AFG1L: variants seen among roughly 807,000 people sequenced by gnomAD.
AFG1L encodes the protein AFG1-like ATPase.
A neutral mutation model predicts 62.2 loss-of-function variants in AFG1L; 53 were observed. The observed-to-expected ratio is 0.85, with a 90% CI of 0.68 to 1.07. AFG1L has a LOEUF of 1.07. Among genes scored for constraint, AFG1L ranks in the 50% least tolerant of loss-of-function variants. The pLI is 0.00. For missense variants in AFG1L, 555 were observed against 590.5 expected (o/e 0.94, Z 0.62); for synonymous variants, 228 against 210.3 (o/e 1.08, Z -0.73).
chr6:108,515,154 G>C (rs1774826578), intron 11 of AFG1L, among the ~76,000 whole-genome samples: 1 of 152,142 alleles, frequency 6.6e-6, no homozygotes, highest in African/African-American at 2.4e-5. Context: ...GGACCTAATA[G>C]ACATCTACAG....
At chr6:108,343,070 C>CTT (rs1318016021) in intron 2 of AFG1L, among the ~76,000 whole-genome samples, 3 of 143,876 alleles carry the variant, frequency 2.1e-5, no homozygotes, top group African/African-American at 5.1e-5. Flanking sequence ...TTTTCTTTTT[C>CTT]TTTTTTTTTT....
At position 108,380,346 on chromosome 6, in the gene AFG1L, C is replaced by G. The variant is rs1266863953; in HGVS notation, c.748+14014C>G. Among the ~76,000 whole-genome samples the G allele has an allele frequency of 3.3e-5, 5 of 152,110 alleles. No homozygotes were observed. The East Asian group carries it at 9.6e-4, about 29-fold the overall frequency. ...GTATTCCAAATGCCTGGATTTCTGC[C>G]TGGGGTTGGAAGAGAGAGGGCCCTG... On this transcript the variant is annotated intron_variant, in intron 6 of 12. Coordinates refer to ENST00000368977, the MANE Select transcript of AFG1L (RefSeq NM_145315.5).
At chr6:108,476,510 C>T (rs1369272429) in intron 8 of AFG1L, among the ~76,000 whole-genome samples, 7 of 152,182 alleles carry the variant, frequency 4.6e-5, no homozygotes. Context: ...GGATACTTTG[C>T]TGGATGCTTG....
At chr6:108,387,764 A>C (rs138976636) in intron 6 of AFG1L, 2 of 152,292 alleles carry the variant, frequency 1.3e-5, no homozygotes, top group East Asian at 3.9e-4. Flanking sequence ...AGCCCTATCT[A>C]ATTTTATAGT....
chr6:108,450,903 T>G (rs1772026563), intron 8 of AFG1L, among the ~76,000 whole-genome samples: 1 of 151,692 alleles, frequency 6.6e-6, no homozygotes, highest in Non-Finnish European at 1.5e-5. Context: ...ATATGCGGCA[T>G]TATTTCTGAG....
intron 6 of AFG1L, among the ~76,000 whole-genome samples, chr6:108,391,353 G>A (rs1403214293): frequency 6.6e-6 from 1 of 152,098 alleles, no homozygotes; most frequent in Non-Finnish European, 1.5e-5. Flanking sequence ...TTGCATTGTG[G>A]TTTTGATTTG....
At chr6:108,446,776 T>A (rs1771823810) in intron 7 of AFG1L, among the ~76,000 whole-genome samples, 1 of 152,144 alleles carries the variant, frequency 6.6e-6, no homozygotes, top group Non-Finnish European at 1.5e-5. Context: ...AGTGCTGGAA[T>A]TACAGGCGTG....
chr6:108,425,953 T>C (rs908064535), intron 7 of AFG1L, among the ~76,000 whole-genome samples: 1 of 152,180 alleles, frequency 6.6e-6, no homozygotes, highest in African/African-American at 2.4e-5. Context: ...TTGTCTCTTT[T>C]CATCTTCAGA....
intron 7 of AFG1L, among the ~76,000 whole-genome samples, chr6:108,411,234 G>A (rs183886454): frequency 9.8e-4 from 149 of 152,350 alleles, no homozygotes; most frequent in African/African-American, 3.6e-3. Flanking sequence ...CCATTGCAGA[G>A]GCTTGAGTAG....
intron 8 of AFG1L, among the ~76,000 whole-genome samples, chr6:108,464,280 G>A (rs1235904525): frequency 6.6e-6 from 1 of 152,100 alleles, no homozygotes; most frequent in African/African-American, 2.4e-5. Flanking sequence ...TGGAATTTTT[G>A]TTGAGAATTT....
chr6:108,495,026 C>T (rs889139632), intron 10 of AFG1L, among the ~76,000 whole-genome samples: 8 of 152,010 alleles, frequency 5.3e-5, no homozygotes, highest in Admixed American at 2.0e-4. Context: ...CCACCCATCT[C>T]GGCCTCCCAA....
intron 12 of AFG1L, 107 bp downstream of exon 12, chr6:108,519,917 T>C: frequency 1.7e-6 from 1 of 594,836 alleles, no homozygotes. Flanking sequence ...AGTTAACCAT[T>C]GATTGGCGCT....
chr6:108,471,468 C>CTTTT lies in AFG1L; in HGVS notation c.891-5378_891-5375dup, dbSNP rs56375345. Among the ~76,000 whole-genome samples, 396 of 100,318 alleles carry CTTTT rather than the reference C, an allele frequency of 3.9e-3. 4 individuals carry two copies. Among genetic ancestry groups the CTTTT allele is most frequent in the Non-Finnish European group, 7.0e-3 (345 of 49,356 alleles). The allele number at this position is 100,318 out of a possible 152,430, so 65.8% of individuals were successfully genotyped here. ...ATTGATGTTCTATCGTGTTCTTCTTCTTTTTTTTTTTTTTTTTTTTTTGAC... is the reference window on the plus strand; with the variant it reads ...ATTGATGTTCTATCGTGTTCTTCTTCTTTTTTTTTTTTTTTTTTTTTTTTTTGAC... On this transcript the variant is annotated intron_variant, in intron 8 of 12. Coordinates refer to ENST00000368977, the MANE Select transcript of AFG1L (RefSeq NM_145315.5).
chr6:108,505,079 A>ATTTT (rs34326858), intron 10 of AFG1L, among the ~76,000 whole-genome samples: 2 of 142,890 alleles, frequency 1.4e-5, no homozygotes. Context: ...CTGAGCTTGG[A>ATTTT]TTTTTTTTTT....
At position 108,507,686 on chromosome 6, in the gene AFG1L, A is replaced by G. The variant is rs976417129; in HGVS notation, c.1063-2526A>G. On this transcript the variant is annotated intron_variant, in intron 10 of 12. Coordinates refer to ENST00000368977, the MANE Select transcript of AFG1L (RefSeq NM_145315.5). ...TGAGGTTTTACATTTTTTTATGTAT[A>G]CTTTCTGGTTTACAAAAGATGAGAC... is the stretch of plus-strand genomic sequence containing the variant. 4.6e-5 allele frequency among the ~76,000 whole-genome samples: 7 copies of G among 152,238 alleles called. No individual in the cohort carries two copies. In the East Asian group the frequency reaches 9.6e-4, roughly 21 times the overall value.
intron 6 of AFG1L, among the ~76,000 whole-genome samples, chr6:108,374,454 A>G (rs1019764377): frequency 2.6e-5 from 4 of 152,104 alleles, no homozygotes; most frequent in African/African-American, 9.7e-5. Flanking sequence ...TTCATCTAGG[A>G]TTCTTATAGT....
intron 6 of AFG1L, among the ~76,000 whole-genome samples, chr6:108,371,030 C>T (rs1313520587): frequency 6.6e-6 from 1 of 152,076 alleles, no homozygotes; most frequent in Non-Finnish European, 1.5e-5. Context: ...GAATAAGGTA[C>T]CAAAGACTGC....
intron 7 of AFG1L, among the ~76,000 whole-genome samples, chr6:108,445,719 A>G (rs1306013939): frequency 6.6e-6 from 1 of 151,854 alleles, no homozygotes; most frequent in Non-Finnish European, 1.5e-5. Flanking sequence ...TGCAAACAGC[A>G]TGTATAAATT....
chr6:108,402,353 CT>C (rs55836908), intron 7 of AFG1L, among the ~76,000 whole-genome samples: 100,000 of 151,482 alleles, frequency 0.66, 34,852 homozygotes, highest in African/African-American at 0.9. Flanking sequence ...ATCCCAGCTA[CT>C]TGGGGAGGCT....
Sources: gnomAD v4.1 joint callset for allele counts (sites outside exome capture counted in the v4.1 genomes callset) on GRCh38, gnomAD v4.1.1 for gene constraint, MANE v1.5 for transcripts, NCBI Gene and HGNC (gene_info 2026-07-23, HGNC 2026-07-21) for gene names.